The following SORCS1 variants were observed in gnomAD, a reference collection of about 807,000 sequenced individuals.
The protein encoded by SORCS1 is sortilin related VPS10 domain containing receptor 1.
A neutral mutation model predicts 146.1 loss-of-function variants in SORCS1; 60 were observed. The observed-to-expected ratio is 0.41, with a 90% CI of 0.33 to 0.51. The LOEUF (loss-of-function observed/expected upper bound fraction) is 0.51. Among genes scored for constraint, SORCS1 ranks in the 20% least tolerant of loss-of-function variants. The probability of loss-of-function intolerance (pLI) is 0.21; values close to 1 mark genes in which losing one functional copy is unlikely to be tolerated. For synonymous variants in SORCS1, 637 were observed against 584.0 expected, an observed-to-expected ratio of 1.09 and a Z score of -1.31; for missense variants, 1,352 against 1,487.6, an observed-to-expected ratio of 0.91 and a Z score of 1.50.
intron 24 of SORCS1, among the ~76,000 whole-genome samples, chr10:106,591,369 A>T (rs1845595887): frequency 6.6e-6 from 1 of 152,150 alleles, no homozygotes; most frequent in Non-Finnish European, 1.5e-5. Context: ...AGAAAAAAAA[A>T]TACAAAGATT....
At chr10:106,978,814 ACT>A (rs1247091607) in intron 1 of SORCS1, among the ~76,000 whole-genome samples, 26 of 150,644 alleles carry the variant, frequency 1.7e-4, no homozygotes, top group African/African-American at 6.1e-4. Flanking sequence ...AAAAAAAAAG[ACT>A]AAATAGTAAG....
chr10:107,101,457 TTAAACTC>T (rs1590138214), intron 1 of SORCS1, among the ~76,000 whole-genome samples: 1 of 152,246 alleles, frequency 6.6e-6, no homozygotes, highest in African/African-American at 2.4e-5. Flanking sequence ...TTCACTGTGT[TTAAACTC>T]TATGGGTTTT....
intron 2 of SORCS1, among the ~76,000 whole-genome samples, chr10:106,841,933 G>T (rs1949062734): frequency 6.6e-6 from 1 of 152,008 alleles, no homozygotes; most frequent in African/African-American, 2.4e-5. Context: ...AACTCCTTTG[G>T]GTAAATATCA....
At chr10:106,840,417 T>C (rs892502322) in intron 2 of SORCS1, among the ~76,000 whole-genome samples, 18 of 152,084 alleles carry the variant, frequency 1.2e-4, no homozygotes, top group African/African-American at 4.4e-4. Context: ...TGAATTGCTG[T>C]AATCTCATGA....
At chr10:107,160,024 T>C (rs1214031329) in intron 1 of SORCS1, among the ~76,000 whole-genome samples, 1 of 152,186 alleles carries the variant, frequency 6.6e-6, no homozygotes, top group Non-Finnish European at 1.5e-5. Context: ...AGATTCCATG[T>C]CTCACTGAAG....
chr10:107,034,980 T>C (rs1021299364), intron 1 of SORCS1, among the ~76,000 whole-genome samples: 2 of 152,126 alleles, frequency 1.3e-5, no homozygotes, highest in Admixed American at 1.3e-4. Context: ...GTAATCATTA[T>C]CCAGTTGAAG....
At chr10:106,629,173 G>T (rs983835194) in intron 19 of SORCS1, 29 bp downstream of exon 19, 5 of 1,589,782 alleles carry the variant, frequency 3.1e-6, no homozygotes, top group Admixed American at 3.4e-5. Flanking sequence ...TTTAAGATAG[G>T]TCATAAACCA....
intron 1 of SORCS1, among the ~76,000 whole-genome samples, chr10:107,059,294 A>C (rs1960942871): frequency 6.6e-6 from 1 of 152,222 alleles, no homozygotes; most frequent in South Asian, 2.1e-4. Context: ...ACACTCTTTC[A>C]GCAACAGTGA....
At chr10:106,643,269 C>T (rs1220000240) in intron 18 of SORCS1, among the ~76,000 whole-genome samples, 2 of 152,190 alleles carry the variant, frequency 1.3e-5, no homozygotes, top group African/African-American at 4.8e-5. Flanking sequence ...AAAGCACTCA[C>T]AAACTGGAAC....
chr10:106,862,816 C>T (rs944623133), intron 2 of SORCS1, among the ~76,000 whole-genome samples: 1 of 141,524 alleles, frequency 7.1e-6, no homozygotes, highest in Non-Finnish European at 1.5e-5. Flanking sequence ...AAAGTTTCAG[C>T]ATTCTGATTC....
intron 1 of SORCS1, among the ~76,000 whole-genome samples, chr10:107,020,975 A>G (rs1958102579): frequency 6.6e-6 from 1 of 152,064 alleles, no homozygotes; most frequent in African/African-American, 2.4e-5. Context: ...TTTTTTTAAT[A>G]AAGAAGGAAA....
chr10:106,827,517 T>C (rs1278704451), intron 3 of SORCS1, among the ~76,000 whole-genome samples: 2 of 152,214 alleles, frequency 1.3e-5, no homozygotes, highest in East Asian at 1.9e-4. Context: ...CTACAGTGCA[T>C]AGCACATTGC....
intron 5 of SORCS1, among the ~76,000 whole-genome samples, chr10:106,737,916 T>G (rs1857077495): frequency 6.6e-6 from 1 of 152,246 alleles, no homozygotes; most frequent in Admixed American, 6.5e-5. Flanking sequence ...TAAACTTTAG[T>G]GGTATCATAC....
At chr10:106,707,999 G>A (rs762546784) in intron 7 of SORCS1, among the ~76,000 whole-genome samples, 2 of 152,182 alleles carry the variant, frequency 1.3e-5, no homozygotes, top group Non-Finnish European at 2.9e-5. Flanking sequence ...GTTACAGGAT[G>A]TTCATGGTGG....
chr10:106,636,724 G>A (rs768727700), intron 18 of SORCS1, among the ~76,000 whole-genome samples: 1 of 152,278 alleles, frequency 6.6e-6, no homozygotes, highest in Non-Finnish European at 1.5e-5. Context: ...TGAGATTTGG[G>A]TGGGGACACA....
chr10:106,647,779 A>T (rs1241366202), intron 18 of SORCS1, among the ~76,000 whole-genome samples: 2 of 152,266 alleles, frequency 1.3e-5, no homozygotes, highest in Admixed American at 6.5e-5. Context: ...AGACTTCTTA[A>T]GCCTGACAAA....
At chr10:107,065,415 T>TTTTCTTTTTCTTTCTTTCTTTCTTTC (rs1961662984) in intron 1 of SORCS1, among the ~76,000 whole-genome samples, 1 of 120,396 alleles carries the variant, frequency 8.3e-6, no homozygotes, top group African/African-American at 4.5e-5. Context: ...TCTCTCTTTC[T>TTTTCTTTTTCTTTCTTTCTTTCTTTC]TTTCTTTCTT....
At chr10:106,586,083 T>C (rs1178358375) in intron 24 of SORCS1, among the ~76,000 whole-genome samples, 1 of 152,224 alleles carries the variant, frequency 6.6e-6, no homozygotes, top group Non-Finnish European at 1.5e-5. Flanking sequence ...CTTATTTACT[T>C]TCCTCAAAAG....
At chr10:107,000,468 G>T (rs368833219) in intron 1 of SORCS1, among the ~76,000 whole-genome samples, 1 of 151,882 alleles carries the variant, frequency 6.6e-6, no homozygotes, top group Non-Finnish European at 1.5e-5. Context: ...TTATCTGGGC[G>T]TGGTGGCACG....
Sources: allele counts gnomAD v4.1 joint callset (sites outside exome capture counted in the v4.1 genomes callset), GRCh38; gene constraint gnomAD v4.1.1; transcripts MANE v1.5; gene names NCBI Gene and HGNC (gene_info 2026-07-23, HGNC 2026-07-21).